The following CDK13 variants were observed in gnomAD, a reference collection of about 807,000 sequenced individuals.
The protein encoded by CDK13 is cyclin-dependent kinase 13.
Under a neutral mutation model 137.6 loss-of-function variants are expected in CDK13, and 40 were observed. The observed-to-expected ratio is 0.29, with a 90% CI of 0.23 to 0.38. The LOEUF is 0.38. Among genes scored for constraint, CDK13 ranks in the 10% least tolerant of loss-of-function variants. The pLI, the probability that CDK13 is intolerant of heterozygous loss-of-function variation, is 1.00. For synonymous variants in CDK13, 869 were observed against 760.1 expected (o/e 1.14, Z -2.36); for missense variants, 1,704 against 1,951.8 (o/e 0.87, Z 2.39).
chr7:39,962,431 C>G lies in CDK13; in HGVS notation c.1211+10579C>G, dbSNP rs151280814. 6.3e-3 allele frequency among the ~76,000 whole-genome samples: 953 copies of G among 152,334 alleles called. 13 individuals are homozygous for G. The highest frequency in any genetic ancestry group is 0.021 in the African/African-American group (880 of 41,578). ...ATGTGTCTTTTGGCTGCATAAATGT[C>G]TTCTTTCGAGAAGTGTCTGTTCATA... On this transcript the variant is annotated intron_variant, in intron 1 of 13. Coordinates refer to ENST00000181839, the MANE Select transcript of CDK13 (RefSeq NM_003718.5).
intron 7 of CDK13, among the ~76,000 whole-genome samples, chr7:40,054,992 G>T (rs758058622): frequency 6.6e-6 from 1 of 152,118 alleles, no homozygotes; most frequent in African/African-American, 2.4e-5. Flanking sequence ...TCCAGCCTGG[G>T]CAACATAGTG....
intron 5 of CDK13, among the ~76,000 whole-genome samples, chr7:40,033,672 T>G (rs1476099551): frequency 1.3e-5 from 2 of 152,198 alleles, no homozygotes; most frequent in Non-Finnish European, 2.9e-5. Context: ...AAATAAGGTC[T>G]GAGGTGTGCA....
At chr7:40,049,991 T>G (rs1785848713) in intron 7 of CDK13, among the ~76,000 whole-genome samples, 2 of 152,168 alleles carry the variant, frequency 1.3e-5, no homozygotes, top group African/African-American at 2.4e-5. Flanking sequence ...TTGTTTTGTT[T>G]TTTTTTGAGA....
In CDK13 at chr7:40,082,735, G is replaced by A. The variant is rs186493543; in HGVS notation, c.3029+3884G>A. Among the ~76,000 whole-genome samples the A allele has an allele frequency of 5.1e-3, 757 of 149,900 alleles. 4 individuals are homozygous for A. Among genetic ancestry groups the A allele is most frequent in the Admixed American group, 7.1e-3 (106 of 14,968 alleles). On this transcript the variant is annotated intron_variant, in intron 11 of 13. Coordinates refer to ENST00000181839, the MANE Select transcript of CDK13 (RefSeq NM_003718.5). ...GAGCCTGGGAGGTGGAGATTGCAGT[G>A]AGCCAAGATCTTGCCGCTGCACTCC...
chr7:40,015,235 G>A (rs1784979792), intron 5 of CDK13, among the ~76,000 whole-genome samples: 1 of 152,170 alleles, frequency 6.6e-6, no homozygotes, highest in South Asian at 2.1e-4. Context: ...ATGGCAAAGG[G>A]ACTGTTAGGA....
At chr7:40,081,561 G>A (rs1341500757) in intron 11 of CDK13, among the ~76,000 whole-genome samples, 1 of 151,988 alleles carries the variant, frequency 6.6e-6, no homozygotes, top group Non-Finnish European at 1.5e-5. Context: ...ATTGATTACT[G>A]TATCATATAT....
chr7:40,032,656 T>C (rs1201233150), intron 5 of CDK13, among the ~76,000 whole-genome samples: 5 of 152,234 alleles, frequency 3.3e-5, no homozygotes, highest in Non-Finnish European at 7.3e-5. Flanking sequence ...CCTTTCTCCA[T>C]TGAAGTGCTT....
At chr7:40,026,744 C>T (rs1785251891) in intron 5 of CDK13, among the ~76,000 whole-genome samples, 1 of 152,118 alleles carries the variant, frequency 6.6e-6, no homozygotes, top group South Asian at 2.1e-4. Context: ...CATTCATTTC[C>T]TTTCCAGCCT....
chr7:39,950,286 C>T lies in CDK13; in HGVS notation c.-356C>T, dbSNP rs1787097318. 4 of 1,072,096 alleles carry T rather than the reference C, an allele frequency of 3.7e-6. No homozygotes were observed. Among genetic ancestry groups the T allele is most frequent in the East Asian group, 5.9e-5 (1 of 16,824 alleles). The allele number at this position is 1,072,096 out of a possible 1,614,324, so 66.4% of individuals were successfully genotyped here. On this transcript the variant is annotated 5_prime_UTR_variant, in exon 1 of 14. Transcript: ENST00000181839. Reference sequence around the variant, plus strand: ...CGCGTTGCGCTGCCCGAGCCGAGAGCGCGGCCAAGGCCGCTCCCCCACCCC... The same window carrying T: ...CGCGTTGCGCTGCCCGAGCCGAGAGTGCGGCCAAGGCCGCTCCCCCACCCC...
chr7:39,950,434 C>G lies in CDK13; in HGVS notation c.-208C>G. ...GCTCCGCCGCCCGGATTCCTGCTTC[C>G]CTGGGGCCCGGAGGCTGCTGCGTAC... On this transcript the variant is annotated 5_prime_UTR_variant, in exon 1 of 14. Transcript: ENST00000181839. 1.6e-6 allele frequency: 2 copies of G among 1,233,844 alleles called. No individual in the cohort carries two copies. Among genetic ancestry groups the G allele is most frequent in the Non-Finnish European group, 2.0e-6 (2 of 989,140 alleles). The allele number at this position is 1,233,844 out of a possible 1,614,324, so 76.4% of individuals were successfully genotyped here. A position where few individuals can be genotyped will look rare whatever the true frequency, so the allele number is the denominator to read the frequency against.
chr7:39,967,380 T>TCGCGC (rs1562702633), intron 1 of CDK13, among the ~76,000 whole-genome samples: 1 of 151,742 alleles, frequency 6.6e-6, no homozygotes, highest in Non-Finnish European at 1.5e-5. Context: ...TAAGCTGAGA[T>TCGCGC]CGCGCCACGC....
intron 5 of CDK13, among the ~76,000 whole-genome samples, chr7:40,012,784 C>T (rs1476907232): frequency 6.6e-6 from 1 of 150,898 alleles, no homozygotes; most frequent in African/African-American, 2.4e-5. Context: ...CAGTGGTGGG[C>T]GCCTGTAATC....
chr7:40,069,352 A>T (rs1332969291), intron 9 of CDK13: 2 of 455,864 alleles, frequency 4.4e-6, no homozygotes, highest in African/African-American at 4.0e-5. Context: ...TCTGACTATA[A>T]TGAGGCAACG....
intron 5 of CDK13, among the ~76,000 whole-genome samples, chr7:40,011,846 A>G (rs866042905): frequency 6.6e-6 from 1 of 152,228 alleles, no homozygotes; most frequent in African/African-American, 2.4e-5. Flanking sequence ...ATGAGAAGAC[A>G]ACACTTAGAA....
intron 12 of CDK13, 88 bp downstream of exon 12, chr7:40,088,419 G>C: frequency 9.7e-7 from 1 of 1,032,902 alleles, no homozygotes; most frequent in Non-Finnish European, 1.4e-6. Context: ...GCATCTTGTG[G>C]CTAACAATGA....
intron 5 of CDK13, among the ~76,000 whole-genome samples, chr7:40,034,158 AG>A (rs1562740454): frequency 6.6e-6 from 1 of 152,154 alleles, no homozygotes; most frequent in Non-Finnish European, 1.5e-5. Flanking sequence ...GTCCTGCTGT[AG>A]TTTTTAATTA....
chr7:39,968,348 A>G (rs1449790400), intron 1 of CDK13, among the ~76,000 whole-genome samples: 1 of 152,158 alleles, frequency 6.6e-6, no homozygotes, highest in Admixed American at 6.5e-5. Context: ...CTACTGTATA[A>G]GGTGTGAGAT....
At chr7:39,996,961 CAAAAAAAAA>C (rs72210233) in intron 2 of CDK13, among the ~76,000 whole-genome samples, 31 of 83,256 alleles carry the variant, frequency 3.7e-4, no homozygotes, top group African/African-American at 9.4e-4. Context: ...GATTCCATCT[CAAAAAAAAA>C]AAAAAAGAAA....
intron 9 of CDK13, chr7:40,071,317 G>A (rs1387978691): frequency 6.6e-6 from 1 of 152,148 alleles, no homozygotes; most frequent in Admixed American, 6.6e-5. Flanking sequence ...ATGTTAACAT[G>A]TTTTAAAGTC....
Sources: gnomAD v4.1 joint callset for allele counts (sites outside exome capture counted in the v4.1 genomes callset) on GRCh38, gnomAD v4.1.1 for gene constraint, MANE v1.5 for transcripts, NCBI Gene and HGNC (gene_info 2026-07-23, HGNC 2026-07-21) for gene names.